The following DAP variants were observed in gnomAD, a reference collection of about 807,000 sequenced individuals.
DAP encodes death associated protein.
Under a neutral mutation model 13.8 loss-of-function variants are expected in DAP, and 8 were observed. The observed-to-expected ratio is 0.58, with a 90% CI of 0.34 to 1.05. The LOEUF is 1.05. Ranked by LOEUF, DAP falls within the 50% of genes least tolerant of loss-of-function variation. DAP has a pLI of 0.03. For synonymous variants in DAP, 47 were observed against 47.5 expected, an observed-to-expected ratio of 0.99 and a Z score of 0.04; for missense variants, 106 against 133.2, an observed-to-expected ratio of 0.80 and a Z score of 1.01.
chr5:10,731,495 G>A (rs140045146), intron 2 of DAP, among the ~76,000 whole-genome samples: 200 of 152,290 alleles, frequency 1.3e-3, no homozygotes, highest in African/African-American at 4.6e-3. Context: ...CCTAACATCT[G>A]GCTCAGCAGT....
intron 2 of DAP, among the ~76,000 whole-genome samples, chr5:10,737,922 C>A (rs1041595649): frequency 6.6e-5 from 10 of 152,110 alleles, no homozygotes; most frequent in African/African-American, 2.4e-4. Flanking sequence ...GAAATTTGGA[C>A]ACAAAGACAC....
At chr5:10,747,852 A>G (rs1360912814) in intron 2 of DAP, among the ~76,000 whole-genome samples, 1 of 152,166 alleles carries the variant, frequency 6.6e-6, no homozygotes, top group Non-Finnish European at 1.5e-5. Flanking sequence ...GAAGGGAGGC[A>G]CACTGGCTAA....
intron 2 of DAP, among the ~76,000 whole-genome samples, chr5:10,739,473 CAT>C (rs950383948): frequency 6.6e-6 from 1 of 152,030 alleles, no homozygotes; most frequent in Non-Finnish European, 1.5e-5. Context: ...ATTATAATCA[CAT>C]GAGGCAAATA....
chr5:10,696,288 G>A (rs1738436950), intron 2 of DAP, among the ~76,000 whole-genome samples: 1 of 152,168 alleles, frequency 6.6e-6, no homozygotes, highest in South Asian at 2.1e-4. Context: ...ACATCTGAGG[G>A]GCACAGCCCA....
At chr5:10,760,281 A>G (rs1740308028) in intron 1 of DAP, among the ~76,000 whole-genome samples, 1 of 152,146 alleles carries the variant, frequency 6.6e-6, no homozygotes, top group African/African-American at 2.4e-5. Flanking sequence ...ACTGGAAAGG[A>G]GAGTAGAAAC....
intron 2 of DAP, among the ~76,000 whole-genome samples, chr5:10,732,800 T>C (rs547639322): frequency 6.6e-6 from 1 of 152,380 alleles, no homozygotes; most frequent in African/African-American, 2.4e-5. Context: ...ATTTTTATTA[T>C]GGTTAAAACA....
At chr5:10,756,070 C>CAGGGAGATAATTCAGGGAGAATTA (rs1554003737) in intron 1 of DAP, among the ~76,000 whole-genome samples, 4 of 143,114 alleles carry the variant, frequency 2.8e-5, no homozygotes, top group African/African-American at 8.0e-5. Flanking sequence ...ATCTCTTGAG[C>CAGGGAGATAATTCAGGGAGAATTA]CCAGGAGGCC....
intron 2 of DAP, among the ~76,000 whole-genome samples, chr5:10,743,912 C>T (rs1015489393): frequency 6.6e-5 from 10 of 152,124 alleles, no homozygotes; most frequent in African/African-American, 2.4e-5. Context: ...TTTTTTAACA[C>T]AGCATCTCAA....
chr5:10,751,039 C>A (rs998716623), intron 1 of DAP, among the ~76,000 whole-genome samples: 17 of 152,188 alleles, frequency 1.1e-4, no homozygotes, highest in African/African-American at 4.1e-4. Context: ...CCATGTGGAG[C>A]CCAGCCTGAC....
At chr5:10,757,644 A>G (rs1004131532) in intron 1 of DAP, among the ~76,000 whole-genome samples, 1 of 152,180 alleles carries the variant, frequency 6.6e-6, no homozygotes, top group Non-Finnish European at 1.5e-5. Flanking sequence ...TTCATGAGTT[A>G]AACGTGCCAA....
intron 2 of DAP, among the ~76,000 whole-genome samples, chr5:10,696,919 G>A (rs1738451419): frequency 6.6e-6 from 1 of 152,162 alleles, no homozygotes; most frequent in Admixed American, 6.5e-5. Context: ...CACCTCCACT[G>A]CCAGCAGCCT....
At chr5:10,758,070 A>T (rs1740238543) in intron 1 of DAP, among the ~76,000 whole-genome samples, 1 of 152,228 alleles carries the variant, frequency 6.6e-6, no homozygotes, top group Non-Finnish European at 1.5e-5. Flanking sequence ...TTTCTGATTG[A>T]GCATTGAGGC....
chr5:10,749,466 T>G (rs762716908), intron 1 of DAP, among the ~76,000 whole-genome samples: 2 of 152,212 alleles, frequency 1.3e-5, no homozygotes, highest in Admixed American at 6.5e-5. Flanking sequence ...CGACACTTAC[T>G]ATTGTGTGTC....
chr5:10,698,237 C>T (rs1190107151), intron 2 of DAP, among the ~76,000 whole-genome samples: 1 of 141,722 alleles, frequency 7.1e-6, no homozygotes, highest in Non-Finnish European at 1.5e-5. Flanking sequence ...CTCCTAAGGC[C>T]CTTCCTCAGA....
chr5:10,748,104 G>A (rs1739957006), intron 2 of DAP, 71 bp downstream of exon 2: 1 of 1,079,560 alleles, frequency 9.3e-7, no homozygotes, highest in African/African-American at 1.5e-5. Flanking sequence ...ATAGAACAGA[G>A]AACAAATGTT....
intron 2 of DAP, among the ~76,000 whole-genome samples, chr5:10,730,617 GA>G (rs1739428650): frequency 7.5e-6 from 1 of 133,344 alleles, no homozygotes; most frequent in African/African-American, 2.9e-5. Flanking sequence ...GGGTCGGGGG[GA>G]ATCTTTCTCT....
intron 2 of DAP, among the ~76,000 whole-genome samples, chr5:10,731,002 TGG>T (rs1227267964): frequency 1.5e-5 from 1 of 68,488 alleles, no homozygotes; most frequent in Non-Finnish European, 2.8e-5. Flanking sequence ...AGAGCCCTGG[TGG>T]GGGGGAATCT....
At chr5:10,711,269 C>T (rs917696974) in intron 2 of DAP, among the ~76,000 whole-genome samples, 7 of 152,196 alleles carry the variant, frequency 4.6e-5, no homozygotes, top group East Asian at 1.9e-4. Flanking sequence ...GGCTGAAGTC[C>T]GCTCACCCGG....
chr5:10,733,328 G>A (rs1216047269), intron 2 of DAP, among the ~76,000 whole-genome samples: 1 of 152,112 alleles, frequency 6.6e-6, no homozygotes, highest in Admixed American at 6.5e-5. Flanking sequence ...TGGTGACCCT[G>A]CTGCTTTCAA....
Sources: gnomAD v4.1 joint callset for allele counts (sites outside exome capture counted in the v4.1 genomes callset) on GRCh38, gnomAD v4.1.1 for gene constraint, MANE v1.5 for transcripts, NCBI Gene and HGNC (gene_info 2026-07-23, HGNC 2026-07-21) for gene names.